The following ATOSA variants were observed in gnomAD, a reference collection of about 807,000 sequenced individuals.
The protein encoded by ATOSA is atos homolog protein A.
chr15:52,652,128 T>A, the ATOSA span: 2 of 1,299,060 alleles, frequency 1.5e-6, no homozygotes, highest in East Asian at 5.3e-5. Context: ...CAACCTCCCC[T>A]GCTCGCTAGG....
At chr15:52,654,982 T>A in the ATOSA span, among the ~76,000 whole-genome samples, 1 of 152,040 alleles carries the variant, frequency 6.6e-6, no homozygotes. Flanking sequence ...TACTGGCCCA[T>A]GGGCCAGGCA....
chr15:52,600,241 AG>A, the ATOSA span: 321 of 1,556,852 alleles, frequency 2.1e-4, no homozygotes, highest in Middle Eastern at 3.5e-3. Context: ...GAGGACTATT[AG>A]AAAAACAAAT....
chr15:52,622,960 TATAAATAAATAA>T, the ATOSA span, among the ~76,000 whole-genome samples: 24,694 of 135,956 alleles, frequency 0.18, 2,713 homozygotes, highest in East Asian at 0.54. Flanking sequence ...CTGTCCCTAT[TATAAATAAATAA>T]ATAAATAAAT....
chr15:52,631,698 G>A, the ATOSA span, among the ~76,000 whole-genome samples: 13 of 152,232 alleles, frequency 8.5e-5, no homozygotes, highest in South Asian at 1.5e-3. Context: ...AGCTACTGAC[G>A]AAAAGTTAGA....
At chr15:52,652,808 A>G in the ATOSA span, among the ~76,000 whole-genome samples, 1 of 152,180 alleles carries the variant, frequency 6.6e-6, no homozygotes, top group Non-Finnish European at 1.5e-5. Context: ...AAAATTACCC[A>G]GAGATATAGA....
chr15:52,637,718 A>T, the ATOSA span, among the ~76,000 whole-genome samples: 34 of 152,194 alleles, frequency 2.2e-4, no homozygotes, highest in East Asian at 2.1e-3. Flanking sequence ...AAGAGCCCAA[A>T]CTCTTACATT....
chr15:52,682,435 G>A, the ATOSA span, among the ~76,000 whole-genome samples: 6 of 152,154 alleles, frequency 3.9e-5, no homozygotes, highest in African/African-American at 1.4e-4. Flanking sequence ...AGGTTTGAAG[G>A]TAGAAGACAC....
At chr15:52,608,532 T>C in the ATOSA span, 6 of 1,518,142 alleles carry the variant, frequency 4.0e-6, no homozygotes, top group Non-Finnish European at 5.3e-6. Flanking sequence ...TAACAAATAT[T>C]TGAGACTTAC....
chr15:52,591,506 T>A, the ATOSA span, among the ~76,000 whole-genome samples: 2 of 152,148 alleles, frequency 1.3e-5, no homozygotes, highest in Non-Finnish European at 2.9e-5. Context: ...CGCCCCAGCC[T>A]CCCAAAGTGC....
the ATOSA span, chr15:52,658,777 C>G: frequency 3.7e-6 from 1 of 270,116 alleles, no homozygotes. Flanking sequence ...CCAGGCTGAG[C>G]AACAGAGTGA....
the ATOSA span, among the ~76,000 whole-genome samples, chr15:52,676,289 G>C: frequency 6.6e-6 from 1 of 152,090 alleles, no homozygotes; most frequent in Non-Finnish European, 1.5e-5. Flanking sequence ...TTCTCGTTAA[G>C]AGTTGTCCAT....
At chr15:52,582,873 G>GT in the ATOSA span, among the ~76,000 whole-genome samples, 2 of 152,216 alleles carry the variant, frequency 1.3e-5, no homozygotes, top group African/African-American at 4.8e-5. Context: ...ATATGAAACT[G>GT]TTTCTATCCA....
At chr15:52,649,139 A>C in the ATOSA span, among the ~76,000 whole-genome samples, 1 of 152,194 alleles carries the variant, frequency 6.6e-6, no homozygotes, top group South Asian at 2.1e-4. Context: ...AATACAGTTT[A>C]TGCAAAAACA....
the ATOSA span, among the ~76,000 whole-genome samples, chr15:52,607,490 T>C: frequency 4.6e-3 from 705 of 152,164 alleles, 8 homozygotes; most frequent in African/African-American, 0.016. Flanking sequence ...TATTGTGAGG[T>C]AGTAGAAAGG....
At chr15:52,680,792 G>A in the ATOSA span, among the ~76,000 whole-genome samples, 1 of 152,190 alleles carries the variant, frequency 6.6e-6, no homozygotes, top group Non-Finnish European at 1.5e-5. Context: ...TGCTACAAAT[G>A]TTAAATCCCA....
chr15:52,609,883 G>A, the ATOSA span: 1 of 1,613,230 alleles, frequency 6.2e-7, no homozygotes, highest in Non-Finnish European at 8.5e-7. Context: ...AGAGATACTG[G>A]AATCAACCAT....
At chr15:52,597,320 A>G in the ATOSA span, among the ~76,000 whole-genome samples, 97 of 152,348 alleles carry the variant, frequency 6.4e-4, no homozygotes, top group African/African-American at 2.3e-3. Flanking sequence ...ATAAAAATTC[A>G]TACACAAATG....
the ATOSA span, among the ~76,000 whole-genome samples, chr15:52,588,620 G>A: frequency 6.6e-6 from 1 of 152,088 alleles, no homozygotes; most frequent in African/African-American, 2.4e-5. Context: ...TGTATTTTTA[G>A]TAGAGATGGT....
the ATOSA span, among the ~76,000 whole-genome samples, chr15:52,606,838 T>G: frequency 1.3e-5 from 2 of 152,112 alleles, no homozygotes; most frequent in Non-Finnish European, 2.9e-5. Context: ...AAAGCTAATT[T>G]GAGTGATAAA....
Sources: gnomAD v4.1 joint callset for allele counts (sites outside exome capture counted in the v4.1 genomes callset) on GRCh38, gnomAD v4.1.1 for gene constraint, MANE v1.5 for transcripts, NCBI Gene and HGNC (gene_info 2026-07-23, HGNC 2026-07-21) for gene names.